ASIC2: variants seen among roughly 807,000 people sequenced by gnomAD.
ASIC2 encodes the protein acid-sensing ion channel 2.
ASIC2 carries 25 observed loss-of-function variants against 57.3 expected under a neutral mutation model. That is an observed-to-expected ratio of 0.44 (90% CI 0.32 to 0.61). ASIC2 has a LOEUF of 0.61. Among genes scored for constraint, ASIC2 ranks in the 20% least tolerant of loss-of-function variants. The pLI, the probability that ASIC2 is intolerant of heterozygous loss-of-function variation, is 0.06. For synonymous variants in ASIC2, 319 were observed against 307.5 expected, an observed-to-expected ratio of 1.04 and a Z score of -0.39; for missense variants, 641 against 738.1, an observed-to-expected ratio of 0.87 and a Z score of 1.52.
intron 1 of ASIC2, among the ~76,000 whole-genome samples, chr17:33,221,624 A>G (rs1410910992): frequency 6.6e-6 from 1 of 152,234 alleles, no homozygotes; most frequent in African/African-American, 2.4e-5. Flanking sequence ...CACTCCTTTC[A>G]GATCTGACTT....
At chr17:33,582,780 CT>C (rs1479800999) in intron 1 of ASIC2, among the ~76,000 whole-genome samples, 6 of 152,140 alleles carry the variant, frequency 3.9e-5, no homozygotes, top group Non-Finnish European at 7.4e-5. Context: ...CATACACCCC[CT>C]CATACACATT....
chr17:33,913,309 T>G (rs1020255279), intron 1 of ASIC2, among the ~76,000 whole-genome samples: 10 of 152,204 alleles, frequency 6.6e-5, no homozygotes, highest in African/African-American at 2.4e-4. Flanking sequence ...AAAATGCAAC[T>G]GTAAACATTT....
intron 1 of ASIC2, among the ~76,000 whole-genome samples, chr17:33,360,610 C>G (rs1385366356): frequency 6.6e-6 from 1 of 152,202 alleles, no homozygotes; most frequent in Non-Finnish European, 1.5e-5. Context: ...AGTCAGTTAC[C>G]TGCTCTTGGG....
intron 1 of ASIC2, among the ~76,000 whole-genome samples, chr17:34,052,888 G>A (rs560381692): frequency 1.3e-5 from 2 of 152,010 alleles, no homozygotes; most frequent in East Asian, 3.9e-4. Flanking sequence ...CAAAGTGCTG[G>A]GGTTACAAGT....
chr17:34,034,238 T>C (rs568684027), intron 1 of ASIC2, among the ~76,000 whole-genome samples: 1 of 152,270 alleles, frequency 6.6e-6, no homozygotes, highest in East Asian at 1.9e-4. Context: ...ATCCAGCATA[T>C]AAACAGAACC....
intron 9 of ASIC2, 130 bp from the exon 10 acceptor site, chr17:33,014,196 G>A (rs1006297252): frequency 1.1e-5 from 8 of 725,020 alleles, no homozygotes; most frequent in Admixed American, 2.1e-5. Flanking sequence ...CCAGACATCT[G>A]ATAGGCTAGT....
At position 33,292,726 on chromosome 17, in the gene ASIC2, C is replaced by A. The variant is rs968316732; in HGVS notation, c.-611G>T. 2 of 985,898 alleles carry A rather than the reference C, an allele frequency of 2.0e-6. No homozygotes were observed. Among genetic ancestry groups the A allele is most frequent in the Admixed American group, 1.2e-4 (2 of 16,274 alleles). The allele number at this position is 985,898 out of a possible 1,614,324, so 61.1% of individuals were successfully genotyped here. A position where few individuals can be genotyped will look rare whatever the true frequency, so the allele number is the denominator to read the frequency against. On this transcript the variant is annotated 5_prime_UTR_variant, in exon 1 of 10. Coordinates refer to ENST00000225823, the MANE Select transcript of ASIC2 (RefSeq NM_183377.2). ...GCTGGGCGGGCGGGGTGGGTGTGTA[C>A]GGGGGTGAGTGGTCGCCTTGCCGGC...
At chr17:33,915,300 T>C (rs896473103) in intron 1 of ASIC2, among the ~76,000 whole-genome samples, 1 of 152,168 alleles carries the variant, frequency 6.6e-6, no homozygotes, top group African/African-American at 2.4e-5. Context: ...TCTCAGTTCT[T>C]TTGTATTTGT....
intron 1 of ASIC2, among the ~76,000 whole-genome samples, chr17:33,256,414 G>C (rs1909073572): frequency 6.6e-6 from 1 of 152,212 alleles, no homozygotes; most frequent in East Asian, 1.9e-4. Flanking sequence ...TTTAGGAAGA[G>C]TGCTGGGGTC....
intron 1 of ASIC2, among the ~76,000 whole-genome samples, chr17:34,128,195 A>T (rs558220156): frequency 6.6e-6 from 1 of 152,356 alleles, no homozygotes; most frequent in Non-Finnish European, 1.5e-5. Context: ...TAACTAACAC[A>T]TCAGAAGCTG....
chr17:33,086,964 T>C (rs1038767303), intron 3 of ASIC2, among the ~76,000 whole-genome samples: 1 of 152,166 alleles, frequency 6.6e-6, no homozygotes, highest in African/African-American at 2.4e-5. Context: ...TCATTCTCTC[T>C]TTGAAACACC....
intron 1 of ASIC2, among the ~76,000 whole-genome samples, chr17:33,382,866 A>G (rs909822507): frequency 5.3e-5 from 8 of 152,162 alleles, no homozygotes; most frequent in Non-Finnish European, 8.8e-5. Context: ...CTTGTTTTCT[A>G]CTTACCCCAT....
intron 1 of ASIC2, among the ~76,000 whole-genome samples, chr17:33,395,415 C>G (rs570839793): frequency 6.6e-6 from 1 of 152,304 alleles, no homozygotes; most frequent in African/African-American, 2.4e-5. Flanking sequence ...GCAGAAAGAT[C>G]TTGTGCAGGA....
chr17:33,680,433 G>A (rs1337496435), intron 1 of ASIC2: 3 of 152,082 alleles, frequency 2.0e-5, no homozygotes, highest in Non-Finnish European at 4.4e-5. Flanking sequence ...CATTCCATAC[G>A]GAGTGGGGTG....
At chr17:33,929,558 CA>C (rs1289708355) in intron 1 of ASIC2, among the ~76,000 whole-genome samples, 3 of 152,208 alleles carry the variant, frequency 2.0e-5, no homozygotes, top group African/African-American at 7.2e-5. Context: ...AACGCAACAA[CA>C]AATCTCGTGG....
intron 1 of ASIC2, chr17:34,039,041 A>G: frequency 4.3e-6 from 7 of 1,613,994 alleles, no homozygotes; most frequent in Non-Finnish European, 5.1e-6. Context: ...TCTTGTTTTG[A>G]CTTTTCTATA....
rs879398137 is a variant in ASIC2, at chr17:33,894,366, T to C, written c.555+261612A>G. On this transcript the variant is annotated intron_variant, in intron 1 of 9. Transcript: ENST00000359872. ...GCGTGCGTGCGTGTGTGTGTGTGTG[T>C]GTGTGTGTGTGTGTGTGTTCATGTG... Among the ~76,000 whole-genome samples, 260 of 151,100 alleles carry C rather than the reference T, an allele frequency of 1.7e-3. 1 individual carries two copies. Among genetic ancestry groups the C allele is most frequent in the Middle Eastern group, 6.8e-3 (2 of 294 alleles).
intron 1 of ASIC2, among the ~76,000 whole-genome samples, chr17:33,994,945 T>C (rs1567781599): frequency 6.6e-6 from 1 of 152,204 alleles, no homozygotes; most frequent in Non-Finnish European, 1.5e-5. Context: ...GGAGGTGATC[T>C]ATATGTATGA....
chr17:33,268,116 C>T (rs759938559), intron 1 of ASIC2, among the ~76,000 whole-genome samples: 4 of 152,150 alleles, frequency 2.6e-5, no homozygotes, highest in Non-Finnish European at 4.4e-5. Context: ...CCAGGGACAG[C>T]GCCCTGACCT....
Sources: allele counts gnomAD v4.1 joint callset (sites outside exome capture counted in the v4.1 genomes callset), GRCh38; gene constraint gnomAD v4.1.1; transcripts MANE v1.5; gene names NCBI Gene and HGNC (gene_info 2026-07-23, HGNC 2026-07-21).